The following AIG1 variants were observed in gnomAD, a reference collection of about 807,000 sequenced individuals.
AIG1 encodes the protein androgen induced 1, also known as androgen-induced gene 1 protein.
Under a neutral mutation model 31.4 loss-of-function variants are expected in AIG1, and 23 were observed. The ratio of observed to expected loss-of-function variants is 0.73; its 90% CI spans 0.53 to 1.04. The LOEUF (loss-of-function observed/expected upper bound fraction) is 1.04, where lower values mean the gene tolerates loss of function less well. AIG1 is among the 50% of genes least tolerant of loss of function. AIG1 has a pLI of 0.00. For synonymous variants in AIG1, 100 were observed against 110.5 expected (o/e 0.90, Z 0.60); for missense variants, 274 against 295.0 (o/e 0.93, Z 0.52).
chr6:143,124,427 G>A (rs962799616), intron 1 of AIG1, among the ~76,000 whole-genome samples: 3 of 152,156 alleles, frequency 2.0e-5, no homozygotes, highest in African/African-American at 7.2e-5. Flanking sequence ...CTCCCAACGA[G>A]GACACTACAT....
At chr6:143,245,412 C>T (rs1794550828) in intron 3 of AIG1, among the ~76,000 whole-genome samples, 1 of 151,978 alleles carries the variant, frequency 6.6e-6, no homozygotes, top group Non-Finnish European at 1.5e-5. Context: ...TGATTTTTTC[C>T]CCTGAGGCTC....
chr6:143,114,242 TA>T (rs1428227622), intron 1 of AIG1, among the ~76,000 whole-genome samples: 1 of 152,242 alleles, frequency 6.6e-6, no homozygotes, highest in Admixed American at 6.5e-5. Context: ...AAAAATCTTG[TA>T]CAGGTGAAAT....
rs193112213 is a variant in AIG1, at chr6:143,145,841, G to T, written c.297+8851G>T. On this transcript the variant is annotated intron_variant, in intron 2 of 5. Coordinates refer to ENST00000357847, the MANE Select transcript of AIG1 (RefSeq NM_016108.4). Reference sequence around the variant, plus strand: ...TATGTTAGTATGAAAAATATATACAGTAAAGTTGATAAGACTAATCATGGA... The same window carrying T: ...TATGTTAGTATGAAAAATATATACATTAAAGTTGATAAGACTAATCATGGA... Among the ~76,000 whole-genome samples, 246 of 152,256 alleles carry T rather than the reference G, an allele frequency of 1.6e-3. No individual in the cohort carries two copies. In the Middle Eastern group the frequency reaches 0.017, roughly 11 times the overall value.
At chr6:143,252,384 G>A (rs1486340958) in intron 3 of AIG1, among the ~76,000 whole-genome samples, 2 of 152,174 alleles carry the variant, frequency 1.3e-5, no homozygotes, top group Admixed American at 1.3e-4. Flanking sequence ...GCCTCCCAAA[G>A]TGCTGGGATT....
At position 143,268,353 on chromosome 6, in the gene AIG1, C is replaced by T. The variant is rs898081406; in HGVS notation, c.400-15757C>T. ...CATTGTTCCCTGAGCCTCGAGTCTA[C>T]GGGGACCACAACTAGATGGTCTAAC... On this transcript the variant is annotated intron_variant, in intron 3 of 5. Coordinates refer to ENST00000357847, the MANE Select transcript of AIG1 (RefSeq NM_016108.4). This position sits in a 1 kb window ranked among gnomAD's most constrained non-coding sequence, Gnocchi z 5.0. Among the ~76,000 whole-genome samples the T allele has an allele frequency of 3.9e-5, 6 of 152,028 alleles. No individual in the cohort carries two copies. Among genetic ancestry groups the T allele is most frequent in the Admixed American group, 2.0e-4 (3 of 15,256 alleles).
At chr6:143,127,253 A>G (rs1290694828) in intron 1 of AIG1, among the ~76,000 whole-genome samples, 2 of 152,090 alleles carry the variant, frequency 1.3e-5, no homozygotes, top group African/African-American at 4.8e-5. Context: ...AATAAATCTC[A>G]CTGCCTCTTT....
intron 3 of AIG1, among the ~76,000 whole-genome samples, chr6:143,191,971 C>A (rs892304365): frequency 6.6e-6 from 1 of 152,146 alleles, no homozygotes; most frequent in Non-Finnish European, 1.5e-5. Context: ...CCCAAACTCT[C>A]CTCATTCTGT....
intron 1 of AIG1, among the ~76,000 whole-genome samples, chr6:143,084,368 G>T (rs1778572674): frequency 6.6e-6 from 1 of 152,172 alleles, no homozygotes; most frequent in African/African-American, 2.4e-5. Context: ...TGTCCTTGTA[G>T]ACTGCACTGG....
chr6:143,313,187 A>G (rs1479477347), intron 4 of AIG1, among the ~76,000 whole-genome samples: 1 of 152,184 alleles, frequency 6.6e-6, no homozygotes, highest in East Asian at 1.9e-4. Context: ...CATATGATCC[A>G]GGAATCCCAC....
At chr6:143,243,986 A>C (rs528795729) in intron 3 of AIG1, among the ~76,000 whole-genome samples, 1 of 152,214 alleles carries the variant, frequency 6.6e-6, no homozygotes, top group East Asian at 1.9e-4. Flanking sequence ...TCAAGCCATG[A>C]CAGCTGGGTC....
At chr6:143,139,052 A>C (rs1784024433) in intron 2 of AIG1, among the ~76,000 whole-genome samples, 1 of 152,146 alleles carries the variant, frequency 6.6e-6, no homozygotes, top group Admixed American at 6.5e-5. Flanking sequence ...TATGCCCTTT[A>C]GACATTTTTG....
chr6:143,202,841 G>T (rs1431356437), intron 3 of AIG1, among the ~76,000 whole-genome samples: 1 of 152,166 alleles, frequency 6.6e-6, no homozygotes, highest in Non-Finnish European at 1.5e-5. Context: ...ACTAGCGGAG[G>T]TGTCCCAGCA....
chr6:143,267,064 T>G (rs1280616636), intron 3 of AIG1, among the ~76,000 whole-genome samples: 1 of 152,214 alleles, frequency 6.6e-6, no homozygotes, highest in Non-Finnish European at 1.5e-5. Context: ...TCTTTTCCCT[T>G]TCCTAATGCT....
chr6:143,309,015 G>A (rs2128705482), intron 4 of AIG1, among the ~76,000 whole-genome samples: 1 of 152,084 alleles, frequency 6.6e-6, no homozygotes, highest in African/African-American at 2.4e-5. Flanking sequence ...AGAAGCTGGT[G>A]GTGGGGAGTG....
intron 4 of AIG1, among the ~76,000 whole-genome samples, chr6:143,290,799 G>A (rs12189943): frequency 0.062 from 9,506 of 152,162 alleles, 669 homozygotes; most frequent in East Asian, 0.34. Context: ...CGTCTGACTA[G>A]CTACCTGCTG....
At chr6:143,106,215 A>T (rs563914475) in intron 1 of AIG1, among the ~76,000 whole-genome samples, 2 of 152,342 alleles carry the variant, frequency 1.3e-5, no homozygotes, top group African/African-American at 4.8e-5. Flanking sequence ...CCATGTGAGC[A>T]TGACGGCAGA....
In AIG1 at chr6:143,079,685, A is replaced by G. The variant is rs534515645; in HGVS notation, c.141+18619A>G. Among the ~76,000 whole-genome samples the G allele has an allele frequency of 6.0e-4, 91 of 152,118 alleles. 1 individual carries two copies. Among genetic ancestry groups the G allele is most frequent in the African/African-American group, 2.1e-3 (88 of 41,484 alleles). On this transcript the variant is annotated intron_variant, in intron 1 of 5. Coordinates refer to ENST00000357847, the MANE Select transcript of AIG1 (RefSeq NM_016108.4). ...CCCATAACATAATTTTTAAGACTGCATATTCATTCGAGTGTTTATATTGAT... is the reference window on the plus strand; with the variant it reads ...CCCATAACATAATTTTTAAGACTGCGTATTCATTCGAGTGTTTATATTGAT...
chr6:143,194,244 G>A (rs987410047), intron 3 of AIG1, among the ~76,000 whole-genome samples: 1 of 152,144 alleles, frequency 6.6e-6, no homozygotes, highest in Admixed American at 6.5e-5. Context: ...CTTACATGGC[G>A]GCAGGTGAGA....
chr6:143,090,328 T>C (rs1490464073), intron 1 of AIG1, among the ~76,000 whole-genome samples: 10 of 152,116 alleles, frequency 6.6e-5, no homozygotes. Flanking sequence ...CATCCATAGA[T>C]ATAGTTATAT....
Sources: gnomAD v4.1 joint callset for allele counts (sites outside exome capture counted in the v4.1 genomes callset) on GRCh38, gnomAD v4.1.1 for gene constraint, Gnocchi (gnomAD v3.1) non-coding constraint, MANE v1.5 for transcripts, NCBI Gene and HGNC (gene_info 2026-07-23, HGNC 2026-07-21) for gene names.